The following RNLS variants were observed in gnomAD, a reference collection of about 807,000 sequenced individuals.
RNLS encodes renalase.
A neutral mutation model predicts 39.8 loss-of-function variants in RNLS; 39 were observed. That is an observed-to-expected ratio of 0.98 (90% CI 0.76 to 1.28). The LOEUF is 1.28. Ranked by LOEUF, RNLS falls within the 50% of genes most tolerant of loss-of-function variation. RNLS has a pLI of 0.00. For missense variants in RNLS, 410 were observed against 413.3 expected, an observed-to-expected ratio of 0.99 and a Z score of 0.07; for synonymous variants, 147 against 150.7, an observed-to-expected ratio of 0.98 and a Z score of 0.18.
intron 4 of RNLS, among the ~76,000 whole-genome samples, chr10:88,516,792 C>T (rs987133605): frequency 6.6e-6 from 1 of 151,924 alleles, no homozygotes; most frequent in Admixed American, 6.6e-5. Flanking sequence ...CTTTTGTAGT[C>T]ATATGTTTCA....
intron 4 of RNLS, among the ~76,000 whole-genome samples, chr10:88,462,343 C>T (rs1163163376): frequency 6.6e-6 from 1 of 151,954 alleles, no homozygotes; most frequent in Non-Finnish European, 1.5e-5. Flanking sequence ...AGCACTTATC[C>T]TTTGTGTTAC....
intron 4 of RNLS, among the ~76,000 whole-genome samples, chr10:88,429,849 T>C (rs975119111): frequency 1.3e-5 from 2 of 151,904 alleles, no homozygotes; most frequent in Admixed American, 6.6e-5. Flanking sequence ...CAATTGTCTA[T>C]ATACAAGTGA....
At chr10:88,243,059 T>C in the RNLS span, among the ~76,000 whole-genome samples, 1 of 152,236 alleles carries the variant, frequency 6.6e-6, no homozygotes, top group African/African-American at 2.4e-5. Context: ...AGTTTAAGTC[T>C]CATCAGTAAA....
chr10:88,480,649 C>T (rs960398029), intron 4 of RNLS, among the ~76,000 whole-genome samples: 5 of 152,042 alleles, frequency 3.3e-5, no homozygotes, highest in Non-Finnish European at 5.9e-5. Flanking sequence ...TTCGAACTCC[C>T]GACCTCAGGT....
chr10:88,347,439 G>A (rs1848384288), intron 5 of RNLS, among the ~76,000 whole-genome samples: 1 of 152,126 alleles, frequency 6.6e-6, no homozygotes, highest in South Asian at 2.1e-4. Flanking sequence ...AGTATGAAGA[G>A]CTCTGTTTTA....
At chr10:88,358,154 T>C (rs1164256680) in intron 5 of RNLS, among the ~76,000 whole-genome samples, 1 of 152,346 alleles carries the variant, frequency 6.6e-6, no homozygotes, top group Non-Finnish European at 1.5e-5. Context: ...CAAGTTAATA[T>C]GATAAACACC....
At chr10:88,536,674 G>A (rs976366183) in intron 4 of RNLS, among the ~76,000 whole-genome samples, 1 of 151,932 alleles carries the variant, frequency 6.6e-6, no homozygotes, top group Non-Finnish European at 1.5e-5. Context: ...CAGAGCCCTG[G>A]CACTTGTTCC....
At chr10:88,401,836 G>A (rs1852938690) in intron 4 of RNLS, among the ~76,000 whole-genome samples, 1 of 151,962 alleles carries the variant, frequency 6.6e-6, no homozygotes. Context: ...AATTGGGAGG[G>A]TGTTTTGCCT....
chr10:88,494,316 T>C (rs2074486077), intron 4 of RNLS, among the ~76,000 whole-genome samples: 1 of 152,166 alleles, frequency 6.6e-6, no homozygotes, highest in Non-Finnish European at 1.5e-5. Context: ...AATGGAGTAT[T>C]TGTTCACCTA....
intron 6 of RNLS, among the ~76,000 whole-genome samples, chr10:88,310,822 A>G (rs982526718): frequency 6.8e-6 from 1 of 146,028 alleles, no homozygotes; most frequent in African/African-American, 2.7e-5. Context: ...AAAAAAAAAA[A>G]AAAAAGAAAG....
intron 4 of RNLS, among the ~76,000 whole-genome samples, chr10:88,512,003 T>C (rs1176228522): frequency 6.6e-6 from 1 of 152,216 alleles, no homozygotes; most frequent in East Asian, 1.9e-4. Flanking sequence ...ATTTTTTACT[T>C]TTATAAATAA....
intron 4 of RNLS, among the ~76,000 whole-genome samples, chr10:88,454,246 C>T (rs1842501284): frequency 6.6e-6 from 1 of 152,116 alleles, no homozygotes; most frequent in African/African-American, 2.4e-5. Flanking sequence ...AATTGAGTAT[C>T]AAATAAAACA....
the RNLS span, among the ~76,000 whole-genome samples, chr10:88,230,358 G>A: frequency 1.2e-4 from 18 of 152,060 alleles, no homozygotes; most frequent in Admixed American, 2.0e-4. Flanking sequence ...ACTGGTGGCC[G>A]AGCTTGTCTA....
At chr10:88,378,382 G>T (rs1442982135) in intron 4 of RNLS, among the ~76,000 whole-genome samples, 3 of 152,128 alleles carry the variant, frequency 2.0e-5, no homozygotes, top group Non-Finnish European at 4.4e-5. Context: ...ATTGAAACTA[G>T]AATCCCTTCT....
At chr10:88,404,305 C>T (rs1223211960) in intron 4 of RNLS, among the ~76,000 whole-genome samples, 1 of 151,982 alleles carries the variant, frequency 6.6e-6, no homozygotes, top group African/African-American at 2.4e-5. Context: ...GCCTCTGTTC[C>T]CAAGAATCTT....
At chr10:88,303,883 C>T (rs757545895) in intron 6 of RNLS, among the ~76,000 whole-genome samples, 2 of 152,222 alleles carry the variant, frequency 1.3e-5, no homozygotes, top group Non-Finnish European at 2.9e-5. Context: ...TGTACACAGT[C>T]ACCAGCTGCA....
rs1848022770 is a variant in RNLS, at chr10:88,342,440, C to T, written c.700+20112G>A. Reference sequence around the variant, plus strand: ...ATTGTTATCTTTTGTTTTCTGCTCCCTTGTTTTGATCAGATCTCATTAATT... The same window carrying T: ...ATTGTTATCTTTTGTTTTCTGCTCCTTTGTTTTGATCAGATCTCATTAATT... On this transcript the variant is annotated intron_variant, in intron 5 of 6. Coordinates refer to ENST00000331772, the MANE Select transcript of RNLS (RefSeq NM_001031709.3). Among the ~76,000 whole-genome samples, 4 of 152,244 alleles carry T rather than the reference C, an allele frequency of 2.6e-5. No individual in the cohort carries two copies. In the South Asian group the frequency reaches 8.3e-4, roughly 32 times the overall value.
At chr10:88,561,068 A>C (rs533741481) in intron 4 of RNLS, among the ~76,000 whole-genome samples, 16 of 152,246 alleles carry the variant, frequency 1.1e-4, no homozygotes, top group Admixed American at 7.9e-4. Context: ...AGAGAGAATG[A>C]GCTCCAAACT....
At chr10:88,573,358 G>A (rs188766511) in intron 3 of RNLS, among the ~76,000 whole-genome samples, 1 of 152,296 alleles carries the variant, frequency 6.6e-6, no homozygotes, top group Non-Finnish European at 1.5e-5. Flanking sequence ...CTATATGCCA[G>A]CTGCTTGGTA....
Sources: gnomAD v4.1 joint callset for allele counts (sites outside exome capture counted in the v4.1 genomes callset) on GRCh38, gnomAD v4.1.1 for gene constraint, MANE v1.5 for transcripts, NCBI Gene and HGNC (gene_info 2026-07-23, HGNC 2026-07-21) for gene names.